The following ADGRB3 variants were observed in gnomAD, a reference collection of about 807,000 sequenced individuals.
ADGRB3 encodes adhesion G protein-coupled receptor B3, also known as brain-specific angiogenesis inhibitor 3.
In ADGRB3, 37 loss-of-function variants were observed where a neutral mutation model predicts 193.4. The observed-to-expected ratio is 0.19, with a 90% confidence interval of 0.15 to 0.25. The LOEUF is 0.25. Among genes scored for constraint, ADGRB3 ranks in the 10% least tolerant of loss-of-function variants. ADGRB3 has a pLI of 1.00. For synonymous variants in ADGRB3, 690 were observed against 644.2 expected, an observed-to-expected ratio of 1.07 and a Z score of -1.08; for missense variants, 1,637 against 1,852.9, an observed-to-expected ratio of 0.88 and a Z score of 2.14.
chr6:69,148,083 T>G (rs999409552), intron 17 of ADGRB3, among the ~76,000 whole-genome samples: 1 of 152,296 alleles, frequency 6.6e-6, no homozygotes. Flanking sequence ...TTTTATCCAT[T>G]CAGCCACTCT....
At chr6:69,372,371 G>A in intron 29 of ADGRB3, 35 bp from the exon 30 acceptor site, 1 of 1,228,846 alleles carries the variant, frequency 8.1e-7, no homozygotes, top group Non-Finnish European at 1.1e-6. Context: ...AACTTTATTG[G>A]TTTTTCTCCT....
chr6:69,172,670 A>T (rs1775309259), intron 17 of ADGRB3, among the ~76,000 whole-genome samples: 1 of 140,878 alleles, frequency 7.1e-6, no homozygotes. Context: ...AAAAAAAAAA[A>T]AAGAGAAATA....
At chr6:69,256,666 G>T (rs1306657363) in intron 20 of ADGRB3, among the ~76,000 whole-genome samples, 17 of 152,180 alleles carry the variant, frequency 1.1e-4, no homozygotes, top group African/African-American at 2.4e-4. Flanking sequence ...CAATTTGACT[G>T]CCTCTTTTCC....
intron 20 of ADGRB3, among the ~76,000 whole-genome samples, chr6:69,309,172 A>G (rs977020498): frequency 5.3e-5 from 8 of 151,718 alleles, no homozygotes; most frequent in Admixed American, 1.3e-4. Flanking sequence ...CACACAACAA[A>G]TATTTATTGG....
Position 69,048,239 on chromosome 6 carries a change from C to T in ADGRB3, c.2162C>T (p.Pro721Leu). The T allele has an allele frequency of 6.2e-7, 1 of 1,613,520 alleles. No homozygotes were observed. Among genetic ancestry groups the T allele is most frequent in the Non-Finnish European group, 8.5e-7 (1 of 1,179,656 alleles). The change falls in exon 14 of 32, where the codon CCA (proline) becomes CTA (leucine). Residue 721 changes from proline to leucine, a missense_variant. Coordinates refer to ENST00000370598, the MANE Select transcript of ADGRB3 (RefSeq NM_001704.3). ...TCTGTTCTAACAGACATCAACTTTCCAATGAAAGGACGGAAGGGAATGGTT... is the reference window on the plus strand; with the variant it reads ...TCTGTTCTAACAGACATCAACTTTCTAATGAAAGGACGGAAGGGAATGGTT... The part of the protein sequence containing the change: ...AASVLTDINF[P>L]MKGRKGMVDW...
At chr6:69,324,468 G>A (rs534822344) in intron 20 of ADGRB3, among the ~76,000 whole-genome samples, 2 of 152,080 alleles carry the variant, frequency 1.3e-5, no homozygotes, top group South Asian at 2.1e-4. Flanking sequence ...AACAAAGAAC[G>A]ATTATCTGTT....
At chr6:69,002,872 G>A (rs1187040674) in intron 11 of ADGRB3, among the ~76,000 whole-genome samples, 2 of 152,148 alleles carry the variant, frequency 1.3e-5, no homozygotes, top group Non-Finnish European at 2.9e-5. Flanking sequence ...TGCTCAAGAG[G>A]CATTGTGTAA....
chr6:68,686,188 G>A (rs567918564), intron 3 of ADGRB3, among the ~76,000 whole-genome samples: 3 of 152,276 alleles, frequency 2.0e-5, no homozygotes, highest in African/African-American at 7.2e-5. Context: ...ATGAGCAGAA[G>A]CATTGTTGTG....
At chr6:68,796,213 C>A (rs750278897) in intron 3 of ADGRB3, among the ~76,000 whole-genome samples, 1 of 151,974 alleles carries the variant, frequency 6.6e-6, no homozygotes, top group South Asian at 2.1e-4. Flanking sequence ...GCATCTAGAT[C>A]GAGCTCTATA....
At chr6:69,062,496 TA>T in intron 15 of ADGRB3, among the ~76,000 whole-genome samples, 1 of 151,970 alleles carries the variant, frequency 6.6e-6, no homozygotes. Context: ...TTATTTATTG[TA>T]ATGTGTTTTG....
intron 3 of ADGRB3, among the ~76,000 whole-genome samples, chr6:68,783,165 A>G (rs1032936840): frequency 6.6e-6 from 1 of 151,432 alleles, no homozygotes; most frequent in Non-Finnish European, 1.5e-5. Context: ...TTTACAGATG[A>G]TAAAATTGAG....
At chr6:69,297,368 T>TTCTCTCTCTCTCTC (rs70987459) in intron 20 of ADGRB3, among the ~76,000 whole-genome samples, 1 of 97,614 alleles carries the variant, frequency 1.0e-5, no homozygotes, top group Non-Finnish European at 2.0e-5. Context: ...CTCTCTCTCT[T>TTCTCTCTCTCTCTC]TCTCTCTCTC....
intron 17 of ADGRB3, among the ~76,000 whole-genome samples, chr6:69,214,038 A>T (rs1001358134): frequency 2.0e-5 from 3 of 152,200 alleles, no homozygotes; most frequent in African/African-American, 7.2e-5. Flanking sequence ...TAGCTATCAG[A>T]ACACAAGCAG....
chr6:69,027,646 T>C (rs1324497799), intron 13 of ADGRB3, among the ~76,000 whole-genome samples: 1 of 152,176 alleles, frequency 6.6e-6, no homozygotes. Flanking sequence ...GGTGGAGATA[T>C]TATAATAGAC....
chr6:68,930,595 A>T lies in ADGRB3; in HGVS notation c.794A>T (p.Gln265Leu). The T allele has an allele frequency of 6.2e-7, 1 of 1,612,810 alleles. No homozygotes were observed. Among genetic ancestry groups the T allele is most frequent in the Non-Finnish European group, 8.5e-7 (1 of 1,179,342 alleles). Residue 265 changes from glutamine (Q) to leucine (L), a missense_variant, in exon 4 of 32, where the codon CAG (glutamine) becomes CTG (leucine). Gln to Leu is a moderately radical substitution (Grantham distance 113). Around this residue, in one of 7 missense-constraint regions of ADGRB3, gnomAD observed 365 missense variants for 409.8 expected, o/e 0.89. Transcript: ENST00000370598. Reference protein sequence around the residue: ...GMMGDHTIKSQRPRSVHEKRV... With the variant: ...GMMGDHTIKSLRPRSVHEKRV... The stretch of plus-strand genomic sequence containing the variant: ...ATGGGAGATCATACAATTAAAAGTC[A>T]GCGACCTCGATCTGTTCATGAAAAA...
chr6:68,722,704 T>A (rs1765605273), intron 3 of ADGRB3, among the ~76,000 whole-genome samples: 2 of 151,650 alleles, frequency 1.3e-5, no homozygotes, highest in Admixed American at 6.6e-5. Flanking sequence ...AAAAGCACTT[T>A]ATTTTTTTTA....
At chr6:69,074,226 A>T (rs1005001477) in intron 16 of ADGRB3, among the ~76,000 whole-genome samples, 1 of 152,174 alleles carries the variant, frequency 6.6e-6, no homozygotes. Context: ...ATGCTGCAAT[A>T]TTGGAGTTAG....
At chr6:69,176,652 T>G (rs1037436686) in intron 17 of ADGRB3, among the ~76,000 whole-genome samples, 1 of 152,206 alleles carries the variant, frequency 6.6e-6, no homozygotes, top group Non-Finnish European at 1.5e-5. Flanking sequence ...GAATGATTTA[T>G]GGAGGAGTCC....
chr6:69,332,033 G>A, intron 23 of ADGRB3: 1 of 985,302 alleles, frequency 1.0e-6, no homozygotes, highest in Non-Finnish European at 1.2e-6. Flanking sequence ...TGGCAGCAGG[G>A]CAGGGTTACA....
Sources: allele counts gnomAD v4.1 joint callset (sites outside exome capture counted in the v4.1 genomes callset), GRCh38; gene constraint gnomAD v4.1.1; regional missense constraint gnomAD v4.1.1; transcripts MANE v1.5; gene names NCBI Gene and HGNC (gene_info 2026-07-23, HGNC 2026-07-21).